PPP1R1B: variants seen among roughly 807,000 people sequenced by gnomAD.
PPP1R1B encodes the protein protein phosphatase 1 regulatory inhibitor subunit 1B, also known as protein phosphatase 1 regulatory subunit 1B.
In PPP1R1B, 13 loss-of-function variants were observed where a neutral mutation model predicts 28.2. The ratio of observed to expected loss-of-function variants is 0.46; its 90% CI spans 0.30 to 0.73. The LOEUF is 0.73. Ranked by LOEUF, PPP1R1B falls within the 30% of genes least tolerant of loss-of-function variation. The pLI is 0.07. For missense variants in PPP1R1B, 236 were observed against 256.7 expected, an observed-to-expected ratio of 0.92 and a Z score of 0.55; for synonymous variants, 102 against 97.5, an observed-to-expected ratio of 1.05 and a Z score of -0.27.
At position 39,627,320 on chromosome 17, in the gene PPP1R1B, G is replaced by C. The variant is rs1378931386; in HGVS notation, c.-73G>C. The stretch of plus-strand genomic sequence containing the variant: ...TCGCCGCACAGCCCGCCGCCTGCGC[G>C]GGGGAGCCCAGCACAGACCGCCGCC... On this transcript the variant is annotated 5_prime_UTR_variant, in exon 1 of 7. Coordinates refer to ENST00000254079, the MANE Select transcript of PPP1R1B (RefSeq NM_032192.4). The C allele has an allele frequency of 1.9e-6, 2 of 1,029,420 alleles. No individual in the cohort carries two copies. Among genetic ancestry groups the C allele is most frequent in the Middle Eastern group, 2.5e-4 (1 of 3,926 alleles). The allele number at this position is 1,029,420 out of a possible 1,614,324, so 63.8% of individuals were successfully genotyped here.
rs773801565 is a variant in PPP1R1B, at chr17:39,635,908, G to A, written c.*43G>A. The A allele has an allele frequency of 8.1e-6, 13 of 1,603,102 alleles. No homozygotes were observed. Among genetic ancestry groups the A allele is most frequent in the South Asian group, 6.7e-5 (6 of 90,072 alleles). On this transcript the variant is annotated 3_prime_UTR_variant, in exon 7 of 7. Coordinates refer to ENST00000254079, the MANE Select transcript of PPP1R1B (RefSeq NM_032192.4). ...CCCAGGAGGAAGTGGAGGGGACATC[G>A]CTGTTCCCCAGAAACCCACTCTATC...
chr17:39,629,571 CCTGGGGCAG>C lies in PPP1R1B; in HGVS notation c.165+14_165+22del, dbSNP rs775748682. The C allele has an allele frequency of 6.2e-7, 1 of 1,613,544 alleles. No homozygotes were observed. The highest frequency in any genetic ancestry group is 8.5e-7 in the Non-Finnish European group (1 of 1,179,862). ...AAGCCTCCCCCCACCAGGTGAGTTT[CCTGGGGCAG>C]CTGGAAGGAGGGATGCCTGGGCCCC... On this transcript the variant is annotated intron_variant, in intron 3 of 6. Transcript: ENST00000254079.
chr17:39,635,530 G>A, intron 5 of PPP1R1B, 77 bp from the exon 6 acceptor site: 1 of 1,548,236 alleles, frequency 6.5e-7, no homozygotes, highest in Non-Finnish European at 8.8e-7. Context: ...TCAGCCATCA[G>A]ACACTTAGCT....
In PPP1R1B at chr17:39,629,994, A is replaced by G. The variant is rs1470088091; in HGVS notation, c.188A>G (p.His63Arg). ...PHQRASGEGH[H>R]LKSKRPNPCA... The stretch of plus-strand genomic sequence containing the variant: ...CAGAGAGCCTCAGGAGAGGGGCACC[A>G]TCTCAAGTCGAAGAGACCCAACCCC... The change falls in exon 4 of 7, where the codon CAT becomes CGT. Residue 63 changes from histidine (H) to arginine (R), a missense_variant. By Grantham distance (29) the His-to-Arg change is conservative. Transcript: ENST00000254079. 6.2e-7 allele frequency: 1 copy of G among 1,614,144 alleles called. No individual in the cohort carries two copies. Among genetic ancestry groups the G allele is most frequent in the Non-Finnish European group, 8.5e-7 (1 of 1,180,022 alleles).
At chr17:39,629,071 G>A in intron 1 of PPP1R1B, 99 bp from the exon 2 acceptor site, 2 of 1,110,220 alleles carry the variant, frequency 1.8e-6, no homozygotes, top group Non-Finnish European at 2.7e-6. Flanking sequence ...TGATTCAAAG[G>A]TTCCCTGGGG....
rs951848612 is a variant in PPP1R1B, at chr17:39,629,154, C to T, written c.82-16C>T. Reference sequence around the variant, plus strand: ...TGCAGGTGTCCATCCAGTCACCCCTCCCTCCATCTCCTTAGATCCGGCGCA... The same window carrying T: ...TGCAGGTGTCCATCCAGTCACCCCTTCCTCCATCTCCTTAGATCCGGCGCA... On this transcript the variant is annotated splice_polypyrimidine_tract_variant and intron_variant, in intron 1 of 6. Coordinates refer to ENST00000254079, the MANE Select transcript of PPP1R1B (RefSeq NM_032192.4). 2 of 1,612,968 alleles carry T rather than the reference C, an allele frequency of 1.2e-6. No homozygotes were observed. The highest frequency in any genetic ancestry group is 1.3e-5 in the African/African-American group (1 of 74,976).
In PPP1R1B at chr17:39,635,660, C is replaced by T. The variant is rs75805989; in HGVS notation, c.499C>T (p.Pro167Ser). The T allele has an allele frequency of 5.0e-6, 8 of 1,614,144 alleles. No homozygotes were observed. In the African/African-American group the frequency reaches 5.3e-5, roughly 11 times the overall value. The change falls in exon 6 of 7, where the codon CCC becomes TCC. Residue 167 changes from proline (P) to serine (S), a missense_variant. Transcript: ENST00000254079. ...TCTGGAAGGGCCCTGGGAGCGCCCA[C>T]CCCCTCTGGATGAGTCCGAGAGAGA... ...QGLEGPWERPPPLDESERDGG... is the reference protein window; with the variant it reads ...QGLEGPWERPSPLDESERDGG...
Position 39,635,943 on chromosome 17 carries a change from T to G in PPP1R1B, c.*78T>G. The G allele has an allele frequency of 6.7e-7, 1 of 1,494,988 alleles. No homozygotes were observed. The allele number at this position is 1,494,988 out of a possible 1,614,324, so 92.6% of individuals were successfully genotyped here. A position where few individuals can be genotyped will look rare whatever the true frequency, so the allele number is the denominator to read the frequency against. On this transcript the variant is annotated 3_prime_UTR_variant, in exon 7 of 7. Coordinates refer to ENST00000254079, the MANE Select transcript of PPP1R1B (RefSeq NM_032192.4). ...AGAAACCCACTCTATCCTCACCCTG[T>G]TTTGTGCTCTTCCCCTCGCCTGCTA... is the stretch of plus-strand genomic sequence containing the variant.
chr17:39,627,613 G>C (rs2056847004), intron 1 of PPP1R1B, 140 bp downstream of exon 1: 1 of 574,202 alleles, frequency 1.7e-6, no homozygotes. Flanking sequence ...GGTCAGGACG[G>C]GGCGCGGGGC....
Position 39,635,744 on chromosome 17 carries a change from G to A in PPP1R1B, c.565+18G>A. ...ACTAAGTGGTAAGGCTTGGGAGTGT[G>A]AAATGGGGAGGAGGGGCTGGGATCT... On this transcript the variant is annotated intron_variant, in intron 6 of 6. Transcript: ENST00000254079. The A allele has an allele frequency of 2.5e-6, 4 of 1,612,700 alleles. No homozygotes were observed. The highest frequency in any genetic ancestry group is 3.4e-6 in the Non-Finnish European group (4 of 1,178,804).
At position 39,627,186 on chromosome 17, in the gene PPP1R1B, G is replaced by GA. The variant is rs1271156898; in HGVS notation, c.-206dup. On this transcript the variant is annotated 5_prime_UTR_variant, in exon 1 of 7. Coordinates refer to ENST00000254079, the MANE Select transcript of PPP1R1B (RefSeq NM_032192.4). ...GCGGGGGGCGAGCCCCGAGTCCCGAGAGCCTGGGGGCGCGCCCAGCCCGGG... is the reference window on the plus strand; with the variant it reads ...GCGGGGGGCGAGCCCCGAGTCCCGAGAAGCCTGGGGGCGCGCCCAGCCCGGG... 1 of 484,690 alleles carries GA rather than the reference G, an allele frequency of 2.1e-6. No homozygotes were observed. Among genetic ancestry groups the GA allele is most frequent in the East Asian group, 3.6e-5 (1 of 27,528 alleles). 30.0% of individuals were successfully genotyped at this position (484,690 alleles called of 1,614,324 possible).
intron 1 of PPP1R1B, chr17:39,628,540 T>A: frequency 1.0e-6 from 1 of 985,664 alleles, no homozygotes; most frequent in Non-Finnish European, 1.2e-6. Flanking sequence ...TCTGCAGCCT[T>A]ACAGAGACTG....
At chr17:39,631,714 A>G (rs1199061920) in intron 4 of PPP1R1B, among the ~76,000 whole-genome samples, 1 of 152,044 alleles carries the variant, frequency 6.6e-6, no homozygotes, top group Non-Finnish European at 1.5e-5. Flanking sequence ...GGAAGGGAGG[A>G]GAGAAGGGAA....
intron 4 of PPP1R1B, 99 bp from the exon 5 acceptor site, chr17:39,633,784 G>A: frequency 6.4e-7 from 1 of 1,571,584 alleles, no homozygotes; most frequent in Non-Finnish European, 8.6e-7. Flanking sequence ...TCTGCCCCAG[G>A]CCTACGGGAA....
At position 39,627,205 on chromosome 17, in the gene PPP1R1B, G is replaced by T; in HGVS notation, c.-188G>T. 4.0e-6 allele frequency: 2 copies of T among 494,096 alleles called. No individual in the cohort carries two copies. The highest frequency in any genetic ancestry group is 7.0e-6 in the Non-Finnish European group (2 of 283,918). The allele number at this position is 494,096 out of a possible 1,614,324, so 30.6% of individuals were successfully genotyped here. A position where few individuals can be genotyped will look rare whatever the true frequency, so the allele number is the denominator to read the frequency against. ...TCCCGAGAGCCTGGGGGCGCGCCCA[G>T]CCCGGGCGCCGACCCTCCTCCCGCT... On this transcript the variant is annotated 5_prime_UTR_variant, in exon 1 of 7. Transcript: ENST00000254079.
In PPP1R1B at chr17:39,627,115, G is replaced by A. The variant is rs1325296984; in HGVS notation, c.-278G>A. 1 of 432,714 alleles carries A rather than the reference G, an allele frequency of 2.3e-6. No homozygotes were observed. Among genetic ancestry groups the A allele is most frequent in the Non-Finnish European group, 4.1e-6 (1 of 245,534 alleles). 26.8% of individuals were successfully genotyped at this position (432,714 alleles called of 1,614,324 possible). On this transcript the variant is annotated 5_prime_UTR_variant, in exon 1 of 7. Transcript: ENST00000254079. Reference sequence around the variant, plus strand: ...AGACACCGAGACGCAGAGACACCCAGGCCGGGGAGCGCGAGGGAGCGAGGC... The same window carrying A: ...AGACACCGAGACGCAGAGACACCCAAGCCGGGGAGCGCGAGGGAGCGAGGC...
chr17:39,632,602 C>G lies in PPP1R1B; in HGVS notation c.242-1281C>G, dbSNP rs1446776648. 3 of 152,374 alleles carry G rather than the reference C, an allele frequency of 2.0e-5. No homozygotes were observed. In the East Asian group the frequency reaches 5.8e-4, roughly 29 times the overall value. The allele number at this position is 152,374 out of a possible 1,614,324, so 9.4% of individuals were successfully genotyped here. On this transcript the variant is annotated intron_variant, in intron 4 of 6. Transcript: ENST00000254079. ...AAGTCTTAGCTTGAGGGGTTGTGCT[C>G]CAAGGCTGGAGCTCTCACACTTGGC...
chr17:39,628,103 C>T (rs970905626), intron 1 of PPP1R1B, among the ~76,000 whole-genome samples: 5 of 152,120 alleles, frequency 3.3e-5, no homozygotes, highest in African/African-American at 1.2e-4. Flanking sequence ...TCCTGAGGGC[C>T]TTCTTGGGGG....
rs769505854 is a variant in PPP1R1B, at chr17:39,627,353, C to T, written c.-40C>T. On this transcript the variant is annotated 5_prime_UTR_variant, in exon 1 of 7. Transcript: ENST00000254079. Reference sequence around the variant, plus strand: ...CCAGCACAGACCGCCGCCGGGACCCCGAGTCGCGCACCCCAGCCCCACCGC... The same window carrying T: ...CCAGCACAGACCGCCGCCGGGACCCTGAGTCGCGCACCCCAGCCCCACCGC... 73 of 1,452,440 alleles carry T rather than the reference C, an allele frequency of 5.0e-5. 1 individual carries two copies. In the South Asian group the frequency reaches 8.6e-4, roughly 17 times the overall value. The allele number at this position is 1,452,440 out of a possible 1,614,324, so 90.0% of individuals were successfully genotyped here.
Sources: allele counts gnomAD v4.1 joint callset (sites outside exome capture counted in the v4.1 genomes callset), GRCh38; gene constraint gnomAD v4.1.1; transcripts MANE v1.5; gene names NCBI Gene and HGNC (gene_info 2026-07-23, HGNC 2026-07-21).